NR3C2: variants seen among roughly 807,000 people sequenced by gnomAD.
The protein encoded by NR3C2 is nuclear receptor subfamily 3 group C member 2, also known as mineralocorticoid receptor.
In NR3C2, 15 loss-of-function variants were observed where a neutral mutation model predicts 86.4. That is an observed-to-expected ratio of 0.17 (90% CI 0.12 to 0.27). The LOEUF (loss-of-function observed/expected upper bound fraction) is 0.27. NR3C2 is among the 10% of genes least tolerant of loss of function. NR3C2 has a pLI of 1.00. For synonymous variants in NR3C2, 458 were observed against 450.5 expected, an observed-to-expected ratio of 1.02 and a Z score of -0.21; for missense variants, 960 against 1,195.6, an observed-to-expected ratio of 0.80 and a Z score of 2.91.
chr4:148,321,419 T>G (rs1743580552), intron 2 of NR3C2, among the ~76,000 whole-genome samples: 1 of 151,242 alleles, frequency 6.6e-6, no homozygotes, highest in African/African-American at 2.4e-5. Context: ...CTGAGTTCAA[T>G]TCCTGGGTAT....
chr4:148,409,735 T>G (rs903768145), intron 2 of NR3C2, among the ~76,000 whole-genome samples: 9 of 152,120 alleles, frequency 5.9e-5, no homozygotes, highest in Admixed American at 2.0e-4. Flanking sequence ...AAAATATTTT[T>G]TGCCTAGCAG....
intron 3 of NR3C2, among the ~76,000 whole-genome samples, chr4:148,240,842 C>T (rs758430253): frequency 6.6e-6 from 1 of 152,170 alleles, no homozygotes; most frequent in Non-Finnish European, 1.5e-5. Context: ...AGTTACCTCA[C>T]CTGGGAAATG....
intron 2 of NR3C2, among the ~76,000 whole-genome samples, chr4:148,374,157 C>G (rs1249298860): frequency 6.6e-6 from 1 of 152,140 alleles, no homozygotes; most frequent in Non-Finnish European, 1.5e-5. Context: ...AATAGCCTAT[C>G]ATAAAAGAAA....
intron 2 of NR3C2, among the ~76,000 whole-genome samples, chr4:148,342,354 ATC>A (rs1342023355): frequency 1.3e-5 from 2 of 152,094 alleles, no homozygotes; most frequent in Admixed American, 6.6e-5. Flanking sequence ...TTTCAGACAG[ATC>A]TCTGTTTAAT....
intron 8 of NR3C2, among the ~76,000 whole-genome samples, chr4:148,101,620 C>T (rs1359730918): frequency 6.6e-6 from 1 of 152,160 alleles, no homozygotes; most frequent in Non-Finnish European, 1.5e-5. Flanking sequence ...CACATATATA[C>T]ACATATATGC....
chr4:148,301,812 G>A (rs773813302), intron 2 of NR3C2, among the ~76,000 whole-genome samples: 25 of 152,130 alleles, frequency 1.6e-4, no homozygotes, highest in Non-Finnish European at 3.2e-4. Flanking sequence ...ATGCTACGGA[G>A]GACCCCGGAG....
intron 2 of NR3C2, among the ~76,000 whole-genome samples, chr4:148,282,827 G>T (rs571036424): frequency 1.3e-5 from 2 of 152,266 alleles, no homozygotes; most frequent in East Asian, 3.9e-4. Context: ...CCAAGGAAGG[G>T]ATATAAGAGA....
chr4:148,421,987 C>T (rs540186222), intron 2 of NR3C2, among the ~76,000 whole-genome samples: 5 of 152,142 alleles, frequency 3.3e-5, no homozygotes, highest in Admixed American at 6.5e-5. Context: ...ATCCAGTGGC[C>T]ACCCATGGAT....
intron 2 of NR3C2, among the ~76,000 whole-genome samples, chr4:148,336,107 C>G (rs1172230238): frequency 6.6e-6 from 1 of 152,162 alleles, no homozygotes; most frequent in Non-Finnish European, 1.5e-5. Context: ...AGAGCCGTCC[C>G]TCACAGACAA....
chr4:148,132,912 C>T (rs542888016), intron 6 of NR3C2, among the ~76,000 whole-genome samples: 2 of 152,168 alleles, frequency 1.3e-5, no homozygotes, highest in South Asian at 4.1e-4. Flanking sequence ...GAACAACATT[C>T]TCAATGCCAG....
At chr4:148,216,035 G>T (rs144341599) in intron 3 of NR3C2, among the ~76,000 whole-genome samples, 2 of 151,916 alleles carry the variant, frequency 1.3e-5, no homozygotes, top group Non-Finnish European at 1.5e-5. Flanking sequence ...TGATTCAACC[G>T]CCTTGGCCTC....
chr4:148,187,682 G>GCTGA (rs545765787), intron 4 of NR3C2, among the ~76,000 whole-genome samples: 23 of 152,116 alleles, frequency 1.5e-4, no homozygotes, highest in Non-Finnish European at 3.4e-4. Flanking sequence ...TGTTTACTCT[G>GCTGA]CTGACTGTTC....
chr4:148,301,732 A>G (rs893956936), intron 2 of NR3C2, among the ~76,000 whole-genome samples: 1 of 152,196 alleles, frequency 6.6e-6, no homozygotes, highest in African/African-American at 2.4e-5. Context: ...AGGGTTTTAC[A>G]CTTGTAACAT....
At position 148,214,857 on chromosome 4, in the gene NR3C2, A is replaced by C. The variant is rs1170710903; in HGVS notation, c.1898-19995T>G. ...ATTTTTAAATATTGGCAAATAATTAAAAACGTTAAAAAAATTATGCAGGCC... is the reference window on the plus strand; with the variant it reads ...ATTTTTAAATATTGGCAAATAATTACAAACGTTAAAAAAATTATGCAGGCC... On this transcript the variant is annotated intron_variant, in intron 3 of 8. Coordinates refer to ENST00000358102, the MANE Select transcript of NR3C2 (RefSeq NM_000901.5). Among the ~76,000 whole-genome samples the C allele has an allele frequency of 2.0e-5, 3 of 151,752 alleles. No individual in the cohort carries two copies. The East Asian group carries it at 5.8e-4, about 29-fold the overall frequency.
At chr4:148,112,652 G>T (rs1198302690) in intron 8 of NR3C2, among the ~76,000 whole-genome samples, 1 of 152,114 alleles carries the variant, frequency 6.6e-6, no homozygotes, top group South Asian at 2.1e-4. Flanking sequence ...CACTGAGTTC[G>T]CCTTGTGGGA....
At chr4:148,407,828 A>G (rs1748496655) in intron 2 of NR3C2, among the ~76,000 whole-genome samples, 1 of 152,114 alleles carries the variant, frequency 6.6e-6, no homozygotes. Context: ...TCCCATCACT[A>G]TTTACTACTG....
intron 3 of NR3C2, among the ~76,000 whole-genome samples, chr4:148,253,258 A>G (rs1444371610): frequency 6.6e-6 from 1 of 152,128 alleles, no homozygotes; most frequent in Non-Finnish European, 1.5e-5. Flanking sequence ...TTCCCTCAAT[A>G]TCATGTTTGG....
chr4:148,117,211 C>T (rs958708538), intron 7 of NR3C2, among the ~76,000 whole-genome samples: 4 of 152,122 alleles, frequency 2.6e-5, no homozygotes, highest in Admixed American at 2.6e-4. Context: ...ATGCCCTGCC[C>T]CGGGCAATTG....
At chr4:148,292,857 T>C (rs1741861841) in intron 2 of NR3C2, among the ~76,000 whole-genome samples, 1 of 152,096 alleles carries the variant, frequency 6.6e-6, no homozygotes, top group African/African-American at 2.4e-5. Context: ...ATAGATTTGA[T>C]AGATAACCTT....
Sources: allele counts gnomAD v4.1 joint callset (sites outside exome capture counted in the v4.1 genomes callset), GRCh38; gene constraint gnomAD v4.1.1; transcripts MANE v1.5; gene names NCBI Gene and HGNC (gene_info 2026-07-23, HGNC 2026-07-21).